Variants in MDGA2 observed in about 807,000 individuals in gnomAD.
MDGA2 encodes MAM domain containing glycosylphosphatidylinositol anchor 2.
In MDGA2, 40 loss-of-function variants were observed where a neutral mutation model predicts 117.8. The ratio of observed to expected loss-of-function variants is 0.34; its 90% CI spans 0.26 to 0.44. The LOEUF (loss-of-function observed/expected upper bound fraction) is 0.44. Among genes scored for constraint, MDGA2 ranks in the 20% least tolerant of loss-of-function variants. The pLI, the probability that MDGA2 is intolerant of heterozygous loss-of-function variation, is 1.00. For missense variants in MDGA2, 1,123 were observed against 1,250.6 expected (o/e 0.90, Z 1.54); for synonymous variants, 452 against 439.0 (o/e 1.03, Z -0.37).
chr14:47,474,628 A>G (rs1893797958), intron 1 of MDGA2, among the ~76,000 whole-genome samples: 1 of 152,156 alleles, frequency 6.6e-6, no homozygotes, highest in Admixed American at 6.5e-5. Flanking sequence ...GTACTGGTCC[A>G]AAAACAGACC....
chr14:46,996,021 T>A (rs1887277440), intron 8 of MDGA2, among the ~76,000 whole-genome samples: 1 of 152,146 alleles, frequency 6.6e-6, no homozygotes, highest in African/African-American at 2.4e-5. Context: ...CAGTGTCTAC[T>A]CACTTCTAAG....
intron 3 of MDGA2, among the ~76,000 whole-genome samples, chr14:47,211,659 A>C (rs1487787329): frequency 2.6e-5 from 4 of 152,208 alleles, no homozygotes; most frequent in African/African-American, 9.6e-5. Context: ...TCTATTGTCC[A>C]AGGCTGTTTG....
intron 1 of MDGA2, among the ~76,000 whole-genome samples, chr14:47,467,677 T>G (rs1893632215): frequency 1.3e-5 from 2 of 152,082 alleles, no homozygotes; most frequent in Non-Finnish European, 2.9e-5. Flanking sequence ...AATCATTTAG[T>G]TTTCTGTGCC....
At chr14:47,672,955 G>A (rs781267959) in intron 1 of MDGA2, among the ~76,000 whole-genome samples, 35 of 152,144 alleles carry the variant, frequency 2.3e-4, no homozygotes, top group South Asian at 4.1e-4. Context: ...TCATACACAC[G>A]TCCCCCCATT....
chr14:47,091,803 C>T (rs1283064659), intron 6 of MDGA2, among the ~76,000 whole-genome samples: 4 of 152,156 alleles, frequency 2.6e-5, no homozygotes, highest in East Asian at 1.9e-4. Context: ...ATTCAAGCTC[C>T]GTCCCATTTC....
chr14:46,972,201 A>C (rs978238577), intron 8 of MDGA2, among the ~76,000 whole-genome samples: 6 of 152,144 alleles, frequency 3.9e-5, no homozygotes, highest in African/African-American at 1.2e-4. Flanking sequence ...CAGGATATTT[A>C]CTGTGAGAAT....
intron 1 of MDGA2, among the ~76,000 whole-genome samples, chr14:47,542,988 T>C (rs897127776): frequency 3.3e-5 from 5 of 152,114 alleles, no homozygotes; most frequent in Non-Finnish European, 7.3e-5. Flanking sequence ...GCTAGGCAAA[T>C]TGCTTGAGCC....
chr14:47,247,632 T>TTTATTATTA (rs71448183), intron 2 of MDGA2, among the ~76,000 whole-genome samples: 5,907 of 146,098 alleles, frequency 0.04, 231 homozygotes, highest in African/African-American at 0.051. Context: ...TCAGTACATA[T>TTTATTATTA]TTATTATTAT....
intron 3 of MDGA2, among the ~76,000 whole-genome samples, chr14:47,159,024 C>T (rs558606470): frequency 2.0e-5 from 3 of 152,044 alleles, no homozygotes; most frequent in Non-Finnish European, 2.9e-5. Context: ...CCAGTGGTTG[C>T]CAAACATTTG....
At chr14:47,070,591 C>G (rs899022908) in intron 6 of MDGA2, among the ~76,000 whole-genome samples, 1 of 151,228 alleles carries the variant, frequency 6.6e-6, no homozygotes, top group Non-Finnish European at 1.5e-5. Flanking sequence ...TCTTCCAGTA[C>G]TTTTTTTTTA....
chr14:47,458,302 AT>A lies in MDGA2; in HGVS notation c.281-156753del, dbSNP rs371650474. Among the ~76,000 whole-genome samples, 29 of 152,136 alleles carry A rather than the reference AT, an allele frequency of 1.9e-4. No individual in the cohort carries two copies. In the East Asian group the frequency reaches 5.4e-3, roughly 28 times the overall value. On this transcript the variant is annotated intron_variant, in intron 1 of 16. Transcript: ENST00000399232. ...TTTAGTTTGATATTGTTCCACTTAC[AT>A]TTTTGCTTTTGTTGCCTGTGTTTTT...
At chr14:46,853,596 G>C (rs1166685900) in intron 15 of MDGA2, among the ~76,000 whole-genome samples, 1 of 151,226 alleles carries the variant, frequency 6.6e-6, no homozygotes, top group East Asian at 1.9e-4. Context: ...AACAAGAAGA[G>C]TATGGTACAA....
chr14:47,546,069 T>C (rs758944044), intron 1 of MDGA2, among the ~76,000 whole-genome samples: 25 of 152,166 alleles, frequency 1.6e-4, no homozygotes, highest in Non-Finnish European at 3.5e-4. Flanking sequence ...ACAAAACTAT[T>C]ATGCCAAGTA....
chr14:47,195,688 T>C (rs1035724479), intron 3 of MDGA2, among the ~76,000 whole-genome samples: 4 of 152,050 alleles, frequency 2.6e-5, no homozygotes, highest in Non-Finnish European at 5.9e-5. Flanking sequence ...GCAACAGAGA[T>C]TTAAAACTTG....
At chr14:47,142,630 T>C (rs1188210899) in intron 4 of MDGA2, among the ~76,000 whole-genome samples, 1 of 152,198 alleles carries the variant, frequency 6.6e-6, no homozygotes, top group East Asian at 1.9e-4. Context: ...ATAAAATATG[T>C]AATAGATGAT....
chr14:47,075,355 C>T lies in MDGA2; in HGVS notation c.1196-13777G>A, dbSNP rs147472435. On this transcript the variant is annotated intron_variant, in intron 6 of 16. Coordinates refer to ENST00000399232, the MANE Select transcript of MDGA2 (RefSeq NM_001113498.3). Reference sequence around the variant, plus strand: ...TTCCACAAAGTAAGTTGTCACAGCACTTAGGTTGGTGACATGGAAGATACA... The same window carrying T: ...TTCCACAAAGTAAGTTGTCACAGCATTTAGGTTGGTGACATGGAAGATACA... Among the ~76,000 whole-genome samples the T allele has an allele frequency of 5.7e-3, 863 of 152,276 alleles. 8 individuals carry two copies. The highest frequency in any genetic ancestry group is 4.8e-3 in the Non-Finnish European group (329 of 68,034).
chr14:47,563,578 G>GTTTTTTTTTT (rs56244321), intron 1 of MDGA2, among the ~76,000 whole-genome samples: 54 of 56,916 alleles, frequency 9.5e-4, no homozygotes, highest in African/African-American at 1.3e-3. Flanking sequence ...GCTTTTTTCT[G>GTTTTTTTTTT]TTTTTTTTTT....
At chr14:47,343,986 C>G (rs1326602764) in intron 1 of MDGA2, among the ~76,000 whole-genome samples, 2 of 152,122 alleles carry the variant, frequency 1.3e-5, no homozygotes, top group Non-Finnish European at 2.9e-5. Flanking sequence ...GTGTATACCT[C>G]CGCGCATCTA....
At chr14:47,633,463 A>G (rs1219542494) in intron 1 of MDGA2, among the ~76,000 whole-genome samples, 3 of 152,236 alleles carry the variant, frequency 2.0e-5, no homozygotes, top group Admixed American at 2.0e-4. Flanking sequence ...CCATTCAGGG[A>G]TAATCTCTAA....
Sources: gnomAD v4.1 joint callset for allele counts (sites outside exome capture counted in the v4.1 genomes callset) on GRCh38, gnomAD v4.1.1 for gene constraint, MANE v1.5 for transcripts, NCBI Gene and HGNC (gene_info 2026-07-23, HGNC 2026-07-21) for gene names.